CHCHD6: variants seen among roughly 807,000 people sequenced by gnomAD.
CHCHD6 encodes MICOS complex subunit MIC25.
In CHCHD6, 28 loss-of-function variants were observed where a neutral mutation model predicts 32.3. That is an observed-to-expected ratio of 0.87 (90% CI 0.64 to 1.19). CHCHD6 has a LOEUF of 1.19. CHCHD6 is among the 50% of genes most tolerant of loss of function. The probability of loss-of-function intolerance (pLI) is 0.00; values close to 1 mark genes in which losing one functional copy is unlikely to be tolerated. For missense variants in CHCHD6, 333 were observed against 307.0 expected (o/e 1.08, Z -0.63); for synonymous variants, 122 against 117.5 (o/e 1.04, Z -0.25).
chr3:126,774,712 G>T (rs540720344), intron 4 of CHCHD6, among the ~76,000 whole-genome samples: 2 of 152,332 alleles, frequency 1.3e-5, no homozygotes, highest in East Asian at 3.9e-4. Context: ...TGTTTTGTGA[G>T]GGTGGAAGTC....
At chr3:126,829,515 G>A (rs896295005) in intron 4 of CHCHD6, among the ~76,000 whole-genome samples, 1 of 151,820 alleles carries the variant, frequency 6.6e-6, no homozygotes, top group African/African-American at 2.4e-5. Flanking sequence ...GAGATGTTAT[G>A]GACTGAATGT....
intron 4 of CHCHD6, among the ~76,000 whole-genome samples, chr3:126,740,179 T>G (rs1478325837): frequency 6.6e-6 from 1 of 152,196 alleles, no homozygotes; most frequent in Non-Finnish European, 1.5e-5. Context: ...TTCCTGACTG[T>G]CCACCAGACT....
At chr3:126,704,576 C>G (rs1934382177) in intron 1 of CHCHD6, among the ~76,000 whole-genome samples, 177 bp downstream of exon 1, 2 of 152,160 alleles carry the variant, frequency 1.3e-5, no homozygotes, top group African/African-American at 2.4e-5. Flanking sequence ...GGCTGGCAGC[C>G]TTGGAGCTTC....
chr3:126,886,271 A>G (rs2077678399), intron 5 of CHCHD6, among the ~76,000 whole-genome samples: 1 of 152,234 alleles, frequency 6.6e-6, no homozygotes, highest in Non-Finnish European at 1.5e-5. Flanking sequence ...TCAGTTACCT[A>G]TAGGCAACCT....
chr3:126,910,514 C>T (rs1163818236), intron 5 of CHCHD6, among the ~76,000 whole-genome samples: 1 of 152,162 alleles, frequency 6.6e-6, no homozygotes, highest in Non-Finnish European at 1.5e-5. Flanking sequence ...TTCAGGAGAC[C>T]TCCCTCTCAT....
intron 5 of CHCHD6, among the ~76,000 whole-genome samples, chr3:126,870,909 T>A (rs928724263): frequency 6.6e-6 from 1 of 152,208 alleles, no homozygotes; most frequent in African/African-American, 2.4e-5. Context: ...TCCCCTTTGC[T>A]GAATTGGACA....
intron 1 of CHCHD6, among the ~76,000 whole-genome samples, chr3:126,718,405 T>A (rs778576554): frequency 6.6e-6 from 1 of 152,140 alleles, no homozygotes; most frequent in Non-Finnish European, 1.5e-5. Context: ...CACTGTAGAG[T>A]CTGTACCATT....
chr3:126,727,002 T>C lies in CHCHD6; in HGVS notation c.88-76T>C. On this transcript the variant is annotated intron_variant, in intron 1 of 7. Coordinates refer to ENST00000290913, the MANE Select transcript of CHCHD6 (RefSeq NM_032343.3). ...CAGCGCATTCAGTAAATCTGGGGCC[T>C]GAATAAAGAGGAGGCTTTGCTTCCA... The C allele has an allele frequency of 3.0e-6, 3 of 1,004,922 alleles. No individual in the cohort carries two copies. In the Admixed American group the frequency reaches 5.6e-5, roughly 19 times the overall value. The allele number at this position is 1,004,922 out of a possible 1,614,324, so 62.3% of individuals were successfully genotyped here. A position where few individuals can be genotyped will look rare whatever the true frequency, so the allele number is the denominator to read the frequency against.
At chr3:126,750,631 C>T (rs759079534) in intron 4 of CHCHD6, among the ~76,000 whole-genome samples, 68 of 152,358 alleles carry the variant, frequency 4.5e-4, no homozygotes, top group Non-Finnish European at 3.4e-4. Flanking sequence ...AGGCCTGAGT[C>T]TTGAGTGCCT....
chr3:126,792,968 G>C lies in CHCHD6; in HGVS notation c.412-59679G>C, dbSNP rs575949651. On this transcript the variant is annotated intron_variant, in intron 4 of 7. Coordinates refer to ENST00000290913, the MANE Select transcript of CHCHD6 (RefSeq NM_032343.3). ...GATTGTTATGTCTTGGCAAGGAATT[G>C]ACCCTTTTATCATTATGTAAAGTTT... Among the ~76,000 whole-genome samples the C allele has an allele frequency of 2.0e-4, 30 of 152,198 alleles. No homozygotes were observed. In the South Asian group the frequency reaches 6.0e-3, roughly 31 times the overall value.
chr3:126,948,638 G>C (rs1039045980), intron 6 of CHCHD6, among the ~76,000 whole-genome samples: 5 of 152,148 alleles, frequency 3.3e-5, no homozygotes, highest in African/African-American at 1.2e-4. Flanking sequence ...ACTAACCTTT[G>C]CACATGTCTA....
Position 126,843,316 on chromosome 3 carries a change from T to C in CHCHD6, c.412-9331T>C, listed in dbSNP as rs1432966524. Among the ~76,000 whole-genome samples, 4 of 152,206 alleles carry C rather than the reference T, an allele frequency of 2.6e-5. No homozygotes were observed. The East Asian group carries it at 5.8e-4, about 22-fold the overall frequency. ...TGGAACTGATTTGCCAGTTTTTCTA[T>C]TAAGGATTTTTACATCTCTTTTCTC... is the stretch of plus-strand genomic sequence containing the variant. On this transcript the variant is annotated intron_variant, in intron 4 of 7. Transcript: ENST00000290913.
At chr3:126,832,924 A>C (rs1420673662) in intron 4 of CHCHD6, among the ~76,000 whole-genome samples, 2 of 152,202 alleles carry the variant, frequency 1.3e-5, no homozygotes, top group Non-Finnish European at 2.9e-5. Flanking sequence ...AGGACCTCAC[A>C]TTAGCCCCTT....
At chr3:126,776,215 G>T (rs545620118) in intron 4 of CHCHD6, among the ~76,000 whole-genome samples, 2 of 152,178 alleles carry the variant, frequency 1.3e-5, no homozygotes, top group East Asian at 1.9e-4. Flanking sequence ...CATTGTTTTT[G>T]GTACAACATG....
intron 6 of CHCHD6, among the ~76,000 whole-genome samples, chr3:126,942,082 G>A (rs527286203): frequency 1.2e-4 from 19 of 152,236 alleles, no homozygotes; most frequent in Admixed American, 5.9e-4. Context: ...CCCAGCCCTG[G>A]CCCACCTGGT....
chr3:126,878,305 G>A (rs953785145), intron 5 of CHCHD6, among the ~76,000 whole-genome samples: 3 of 152,238 alleles, frequency 2.0e-5, no homozygotes, highest in Non-Finnish European at 4.4e-5. Flanking sequence ...ATTCCTAATT[G>A]AAAGAAACCA....
At chr3:126,878,464 G>C (rs1466187546) in intron 5 of CHCHD6, among the ~76,000 whole-genome samples, 1 of 152,182 alleles carries the variant, frequency 6.6e-6, no homozygotes, top group Non-Finnish European at 1.5e-5. Context: ...CAGCCTGAAA[G>C]GGCTCCCACG....
intron 6 of CHCHD6, chr3:126,952,928 G>A (rs532906939): frequency 6.1e-6 from 6 of 980,736 alleles, no homozygotes; most frequent in Admixed American, 6.1e-5. Context: ...CAGGACCCAT[G>A]TGCCTTGTCT....
chr3:126,795,849 A>C (rs547926283), intron 4 of CHCHD6, among the ~76,000 whole-genome samples: 26 of 152,268 alleles, frequency 1.7e-4, no homozygotes, highest in Admixed American at 7.8e-4. Context: ...AGAATGGTTT[A>C]CTTACCCTTC....
Sources: gnomAD v4.1 joint callset for allele counts (sites outside exome capture counted in the v4.1 genomes callset) on GRCh38, gnomAD v4.1.1 for gene constraint, MANE v1.5 for transcripts, NCBI Gene and HGNC (gene_info 2026-07-23, HGNC 2026-07-21) for gene names.